Variants in RABGAP1L observed in about 807,000 individuals in gnomAD.
RABGAP1L encodes rab GTPase-activating protein 1-like.
A neutral mutation model predicts 137.7 loss-of-function variants in RABGAP1L; 63 were observed. The ratio of observed to expected loss-of-function variants is 0.46; its 90% CI spans 0.37 to 0.56. The LOEUF is 0.56. Ranked by LOEUF, RABGAP1L falls within the 20% of genes least tolerant of loss-of-function variation. The pLI, the probability that RABGAP1L is intolerant of heterozygous loss-of-function variation, is 0.00. For missense variants in RABGAP1L, 1,095 were observed against 1,244.0 expected (o/e 0.88, Z 1.80); for synonymous variants, 431 against 433.7 (o/e 0.99, Z 0.08).
In RABGAP1L at chr1:174,992,906, T is replaced by G. The variant is rs1268362012; in HGVS notation, c.*2905T>G. 3.9e-5 allele frequency: 6 copies of G among 152,224 alleles called. No individual in the cohort carries two copies. The highest frequency in any genetic ancestry group is 6.5e-5 in the Admixed American group (1 of 15,282). 9.4% of individuals were successfully genotyped at this position (152,224 alleles called of 1,614,324 possible). A position where few individuals can be genotyped will look rare whatever the true frequency, so the allele number is the denominator to read the frequency against. On this transcript the variant is annotated 3_prime_UTR_variant, in exon 26 of 26. Coordinates refer to ENST00000681986, the MANE Select transcript of RABGAP1L (RefSeq NM_001366446.1). ...GAAAGTTTCAAAACATTCTAGTGTT[T>G]TTCATCCTTTGCTAGGATGCACTCT...
intron 13 of RABGAP1L, among the ~76,000 whole-genome samples, chr1:174,580,769 TTAAAG>T (rs754736097): frequency 2.1e-4 from 32 of 151,716 alleles, no homozygotes; most frequent in Non-Finnish European, 3.1e-4. Flanking sequence ...ACCCTAAAAC[TTAAAG>T]TATAGTAAAA....
chr1:174,458,622 A>G (rs1344846690), intron 13 of RABGAP1L, among the ~76,000 whole-genome samples: 3 of 152,146 alleles, frequency 2.0e-5, no homozygotes, highest in Non-Finnish European at 4.4e-5. Context: ...TCTTACTATT[A>G]TATAGCTAAT....
At chr1:174,939,488 G>A (rs772912053) in intron 19 of RABGAP1L, among the ~76,000 whole-genome samples, 3 of 151,742 alleles carry the variant, frequency 2.0e-5, no homozygotes, top group Admixed American at 6.6e-5. Context: ...CCCAAGAAGC[G>A]GAGGTTGCAG....
chr1:174,257,195 G>A (rs559889667), intron 7 of RABGAP1L, among the ~76,000 whole-genome samples: 1 of 152,090 alleles, frequency 6.6e-6, no homozygotes, highest in Admixed American at 6.5e-5. Context: ...GCATAACAAA[G>A]CATCTTTCAA....
Position 174,994,322 on chromosome 1 carries a change from T to G in RABGAP1L, c.*4321T>G, listed in dbSNP as rs1672244463. Reference sequence around the variant, plus strand: ...GTGACTGCAGTCAGCTGTCTGGCATTCCTTTCTCAGTTTGCATCTAAAAGA... The same window carrying G: ...GTGACTGCAGTCAGCTGTCTGGCATGCCTTTCTCAGTTTGCATCTAAAAGA... On this transcript the variant is annotated 3_prime_UTR_variant, in exon 26 of 26. Coordinates refer to ENST00000681986, the MANE Select transcript of RABGAP1L (RefSeq NM_001366446.1). 1 of 152,216 alleles carries G rather than the reference T, an allele frequency of 6.6e-6. No individual in the cohort carries two copies. The highest frequency in any genetic ancestry group is 6.5e-5 in the Admixed American group (1 of 15,286). The allele number at this position is 152,216 out of a possible 1,614,324, so 9.4% of individuals were successfully genotyped here. A position where few individuals can be genotyped will look rare whatever the true frequency, so the allele number is the denominator to read the frequency against.
intron 13 of RABGAP1L, among the ~76,000 whole-genome samples, chr1:174,570,523 G>A (rs916689259): frequency 1.6e-4 from 25 of 152,104 alleles, no homozygotes; most frequent in African/African-American, 5.8e-4. Context: ...CTGGAGAGGG[G>A]AAGAGGGGAG....
intron 1 of RABGAP1L, among the ~76,000 whole-genome samples, chr1:174,168,615 T>C (rs1420014102): frequency 6.6e-6 from 1 of 152,262 alleles, no homozygotes; most frequent in East Asian, 1.9e-4. Context: ...TGGTATTGAA[T>C]GGTAATTCAG....
At chr1:174,291,633 A>G (rs1048829688) in intron 10 of RABGAP1L, among the ~76,000 whole-genome samples, 6 of 152,296 alleles carry the variant, frequency 3.9e-5, no homozygotes, top group African/African-American at 1.2e-4. Flanking sequence ...TAATTTCTTT[A>G]GTAAATATTG....
At chr1:174,281,674 C>G (rs1252189259) in intron 10 of RABGAP1L, among the ~76,000 whole-genome samples, 1 of 152,170 alleles carries the variant, frequency 6.6e-6, no homozygotes, top group Admixed American at 6.5e-5. Context: ...CAAGTAGGCC[C>G]CTGGCCATGT....
intron 11 of RABGAP1L, among the ~76,000 whole-genome samples, chr1:174,332,185 A>G (rs1681089131): frequency 1.3e-5 from 2 of 152,186 alleles, no homozygotes; most frequent in Admixed American, 1.3e-4. Context: ...ACAAGTTGTC[A>G]GTATTCAAGG....
chr1:174,701,516 C>G (rs916958705), intron 16 of RABGAP1L, among the ~76,000 whole-genome samples: 2 of 152,032 alleles, frequency 1.3e-5, no homozygotes, highest in African/African-American at 4.8e-5. Context: ...CCAAGTCGGG[C>G]AGATCACTTG....
intron 5 of RABGAP1L, among the ~76,000 whole-genome samples, chr1:174,243,656 G>T (rs1672018006): frequency 6.6e-6 from 1 of 152,218 alleles, no homozygotes; most frequent in Non-Finnish European, 1.5e-5. Flanking sequence ...CCGTGACCAG[G>T]TTGGACTTAT....
At chr1:174,676,246 T>C (rs1224085108) in intron 14 of RABGAP1L, among the ~76,000 whole-genome samples, 2 of 152,126 alleles carry the variant, frequency 1.3e-5, no homozygotes, top group East Asian at 3.9e-4. Context: ...TAAGAAGGCT[T>C]TTGAATAGAT....
At chr1:174,611,713 G>T (rs1671270437) in intron 13 of RABGAP1L, among the ~76,000 whole-genome samples, 1 of 151,660 alleles carries the variant, frequency 6.6e-6, no homozygotes, top group African/African-American at 2.4e-5. Context: ...CCATTTGTTT[G>T]TATCCTCTTT....
intron 19 of RABGAP1L, among the ~76,000 whole-genome samples, chr1:174,929,701 T>C (rs1663422486): frequency 6.6e-6 from 1 of 151,798 alleles, no homozygotes; most frequent in Non-Finnish European, 1.5e-5. Flanking sequence ...TATGATCATA[T>C]CACTGCGCTA....
chr1:174,796,860 A>G (rs1424785214), intron 18 of RABGAP1L, among the ~76,000 whole-genome samples: 2 of 152,088 alleles, frequency 1.3e-5, no homozygotes. Flanking sequence ...TACAAAAGTT[A>G]GCCGGGCATG....
chr1:174,715,531 A>G (rs1172150331), intron 17 of RABGAP1L, among the ~76,000 whole-genome samples: 1 of 152,254 alleles, frequency 6.6e-6, no homozygotes, highest in African/African-American at 2.4e-5. Flanking sequence ...TAAAAGATTT[A>G]CATACCTTGT....
At chr1:174,458,398 C>T (rs1441483166) in intron 13 of RABGAP1L, among the ~76,000 whole-genome samples, 7 of 151,326 alleles carry the variant, frequency 4.6e-5, no homozygotes, top group African/African-American at 1.7e-4. Context: ...ATTATAATGC[C>T]CTTTGTATGC....
At chr1:174,923,220 A>G (rs1318330915) in intron 19 of RABGAP1L, among the ~76,000 whole-genome samples, 2 of 152,034 alleles carry the variant, frequency 1.3e-5, no homozygotes, top group African/African-American at 4.8e-5. Flanking sequence ...ATATGCTTAT[A>G]ATAGCACATG....
Sources: gnomAD v4.1 joint callset for allele counts (sites outside exome capture counted in the v4.1 genomes callset) on GRCh38, gnomAD v4.1.1 for gene constraint, MANE v1.5 for transcripts, NCBI Gene and HGNC (gene_info 2026-07-23, HGNC 2026-07-21) for gene names.